METTL14: variants seen among roughly 807,000 people sequenced by gnomAD.
The protein encoded by METTL14 is N(6)-adenosine-methyltransferase non-catalytic subunit METTL14.
METTL14 carries 32 observed loss-of-function variants against 62.4 expected under a neutral mutation model. That is an observed-to-expected ratio of 0.51 (90% CI 0.39 to 0.69). The LOEUF (loss-of-function observed/expected upper bound fraction) is 0.69, where lower values mean the gene tolerates loss of function less well. Ranked by LOEUF, METTL14 falls within the 30% of genes least tolerant of loss-of-function variation. METTL14 has a pLI of 0.00. For missense variants in METTL14, 340 were observed against 551.9 expected (o/e 0.62, Z 3.85); for synonymous variants, 150 against 180.0 (o/e 0.83, Z 1.34).
rs1211468513 is a variant in METTL14, at chr4:118,705,587, A to G, written c.856-24A>G. 2.5e-6 allele frequency: 4 copies of G among 1,582,030 alleles called. No individual in the cohort carries two copies. The African/African-American group carries it at 4.0e-5, about 16-fold the overall frequency. ...GAATGACTGTTGATGAAAACAGATT[A>G]ATTGGTCTGCTCTTGTTATTTAGGA... On this transcript the variant is annotated intron_variant, in intron 9 of 10. Transcript: ENST00000388822.
chr4:118,705,643 G>A lies in METTL14; in HGVS notation c.888G>A (p.Val296=), dbSNP rs750917983. 2 of 1,614,190 alleles carry A rather than the reference G, an allele frequency of 1.2e-6. No homozygotes were observed. Among genetic ancestry groups the A allele is most frequent in the Non-Finnish European group, 1.7e-6 (2 of 1,180,026 alleles). Residue 296 remains valine, a synonymous_variant, in exon 10 of 11, where the codon GTG becomes GTA. Transcript: ENST00000388822. The part of the protein sequence containing the change: ...EHCLMGIKGT[V]KRSTDGDFIH... ...GCCTCATGGGGATCAAAGGAACTGT[G>A]AAGCGTAGCACAGACGGGGACTTCA...
chr4:118,701,494 C>T (rs993180036), intron 8 of METTL14, among the ~76,000 whole-genome samples: 3 of 152,044 alleles, frequency 2.0e-5, no homozygotes, highest in Non-Finnish European at 4.4e-5. Context: ...CCCTGATTGG[C>T]CTTCACCAAA....
intron 10 of METTL14, among the ~76,000 whole-genome samples, chr4:118,707,796 T>C (rs66942289): frequency 0.3 from 45,553 of 151,740 alleles, 7,517 homozygotes; most frequent in Non-Finnish European, 0.37. Flanking sequence ...AAATAAAATT[T>C]ACAGATAACT....
At chr4:118,709,467 G>C (rs1458687167) in intron 10 of METTL14, among the ~76,000 whole-genome samples, 1 of 147,020 alleles carries the variant, frequency 6.8e-6, no homozygotes, top group Non-Finnish European at 1.5e-5. Context: ...ATATGGTAGG[G>C]TATTGACCTT....
At chr4:118,709,957 A>G (rs1043916407) in intron 10 of METTL14, 41 bp from the exon 11 acceptor site, 6 of 1,535,274 alleles carry the variant, frequency 3.9e-6, no homozygotes, top group Non-Finnish European at 5.3e-6. Context: ...ATAAGAGAGA[A>G]TTGCAAATAA....
intron 6 of METTL14, among the ~76,000 whole-genome samples, 157 bp from the exon 7 acceptor site, chr4:118,697,025 A>G (rs1724432711): frequency 1.3e-5 from 2 of 152,202 alleles, no homozygotes; most frequent in African/African-American, 4.8e-5. Flanking sequence ...AAAGGCCTTT[A>G]GTAATTAGGT....
At chr4:118,696,924 C>A (rs1276861692) in intron 6 of METTL14, among the ~76,000 whole-genome samples, 3 of 151,936 alleles carry the variant, frequency 2.0e-5, no homozygotes, top group Non-Finnish European at 4.4e-5. Context: ...GAAAATAGGA[C>A]TTTTACTATG....
Position 118,713,732 on chromosome 4 carries a change from A to G in METTL14, c.*3430A>G, listed in dbSNP as rs1321736249. On this transcript the variant is annotated 3_prime_UTR_variant, in exon 11 of 11. Coordinates refer to ENST00000388822, the MANE Select transcript of METTL14 (RefSeq NM_020961.4). The stretch of plus-strand genomic sequence containing the variant: ...GAGGCTGAACTTTTCTTGTGTATAT[A>G]TAGTTAGTTTTGAGGCCATAAATCT... 2 of 151,828 alleles carry G rather than the reference A, an allele frequency of 1.3e-5. No homozygotes were observed. Among genetic ancestry groups the G allele is most frequent in the East Asian group, 3.8e-4 (2 of 5,200 alleles). 9.4% of individuals were successfully genotyped at this position (151,828 alleles called of 1,614,324 possible).
chr4:118,700,223 TAA>T (rs941597118), intron 7 of METTL14, among the ~76,000 whole-genome samples: 2 of 152,148 alleles, frequency 1.3e-5, no homozygotes, highest in Admixed American at 1.3e-4. Context: ...CAGTAAATGA[TAA>T]AAGATTGCTG....
At chr4:118,694,783 T>G (rs1054606914) in intron 6 of METTL14, among the ~76,000 whole-genome samples, 1 of 152,062 alleles carries the variant, frequency 6.6e-6, no homozygotes, top group African/African-American at 2.4e-5. Context: ...CACTCCTGGC[T>G]CTATTTTTCT....
Position 118,708,790 on chromosome 4 carries a change from A to G in METTL14, c.1067-1208A>G, listed in dbSNP as rs542705109. Reference sequence around the variant, plus strand: ...ATAAATAACCTAATTCTTACAGATAATTGGACCTGTCCCAAATAATGCTGT... The same window carrying G: ...ATAAATAACCTAATTCTTACAGATAGTTGGACCTGTCCCAAATAATGCTGT... On this transcript the variant is annotated intron_variant, in intron 10 of 10. Transcript: ENST00000388822. Among the ~76,000 whole-genome samples, 13 of 152,316 alleles carry G rather than the reference A, an allele frequency of 8.5e-5. No individual in the cohort carries two copies. In the East Asian group the frequency reaches 2.3e-3, roughly 27 times the overall value.
At chr4:118,706,236 C>G (rs2110409937) in intron 10 of METTL14, among the ~76,000 whole-genome samples, 1 of 152,310 alleles carries the variant, frequency 6.6e-6, no homozygotes, top group Admixed American at 6.5e-5. Context: ...CCTAAAAATC[C>G]TCTGTGCTCC....
At chr4:118,697,944 G>C (rs1025629770) in intron 7 of METTL14, among the ~76,000 whole-genome samples, 3 of 152,008 alleles carry the variant, frequency 2.0e-5, no homozygotes, top group Non-Finnish European at 2.9e-5. Flanking sequence ...GGAACAACAA[G>C]AACAGAGGGG....
intron 9 of METTL14, among the ~76,000 whole-genome samples, chr4:118,704,718 G>A (rs1023774040): frequency 6.6e-6 from 1 of 152,076 alleles, no homozygotes; most frequent in African/African-American, 2.4e-5. Context: ...TTTTCATTAT[G>A]TGTCTCTTCC....
rs1724341990 is a variant in METTL14, at chr4:118,694,380, T to TA, written c.413-55dup. The TA allele has an allele frequency of 2.2e-6, 3 of 1,389,752 alleles. No individual in the cohort carries two copies. The South Asian group carries it at 3.8e-5, about 18-fold the overall frequency. The allele number at this position is 1,389,752 out of a possible 1,614,324, so 86.1% of individuals were successfully genotyped here. A position where few individuals can be genotyped will look rare whatever the true frequency, so the allele number is the denominator to read the frequency against. ...TTGGGAGGGCTCATAACTTTTGAAT[T>TA]ACTGATATTAACTTCAGTTGAGATG... On this transcript the variant is annotated intron_variant, in intron 5 of 10. Transcript: ENST00000388822.
chr4:118,687,815 T>G, intron 1 of METTL14, 108 bp from the exon 2 acceptor site: 2 of 713,702 alleles, frequency 2.8e-6, no homozygotes, highest in Non-Finnish European at 4.8e-6. Flanking sequence ...GTGTGTGAAT[T>G]AAGGTGTTTT....
Position 118,692,076 on chromosome 4 carries a change from A to G in METTL14, c.412+8A>G, listed in dbSNP as rs1416717583. 1 of 1,579,956 alleles carries G rather than the reference A, an allele frequency of 6.3e-7. No homozygotes were observed. The highest frequency in any genetic ancestry group is 1.1e-5 in the South Asian group (1 of 88,328). On this transcript the variant is annotated splice_region_variant and intron_variant, in intron 5 of 10. Coordinates refer to ENST00000388822, the MANE Select transcript of METTL14 (RefSeq NM_020961.4). The stretch of plus-strand genomic sequence containing the variant: ...ATTTCATCAGGGATGTAGGTATGTC[A>G]GGTTTGTTTGGACTACGCTATTGCT...
At chr4:118,694,373 T>G in intron 5 of METTL14, 63 bp from the exon 6 acceptor site, 1 of 1,347,836 alleles carries the variant, frequency 7.4e-7, no homozygotes, top group East Asian at 2.3e-5. Context: ...GCTCATAACT[T>G]TTGAATTACT....
intron 10 of METTL14, among the ~76,000 whole-genome samples, chr4:118,708,071 C>T (rs1015082608): frequency 2.1e-4 from 32 of 152,112 alleles, no homozygotes; most frequent in African/African-American, 6.3e-4. Flanking sequence ...AGTGATCGCC[C>T]GCCTTGGCCT....
Sources: gnomAD v4.1 joint callset for allele counts (sites outside exome capture counted in the v4.1 genomes callset) on GRCh38, gnomAD v4.1.1 for gene constraint, MANE v1.5 for transcripts, NCBI Gene and HGNC (gene_info 2026-07-23, HGNC 2026-07-21) for gene names.